Variants in OTUD7A observed in about 807,000 individuals in gnomAD.
OTUD7A encodes the protein OTU domain-containing protein 7A.
In OTUD7A, 12 loss-of-function variants were observed where a neutral mutation model predicts 65.7. That is an observed-to-expected ratio of 0.18 (90% confidence interval 0.12 to 0.30). The LOEUF (loss-of-function observed/expected upper bound fraction) is 0.30, where lower values mean the gene tolerates loss of function less well. Among genes scored for constraint, OTUD7A ranks in the 10% least tolerant of loss-of-function variants. OTUD7A has a pLI of 1.00. For synonymous variants in OTUD7A, 641 were observed against 586.3 expected (o/e 1.09, Z -1.35); for missense variants, 1,148 against 1,304.8 (o/e 0.88, Z 1.85).
intron 1 of OTUD7A, chr15:31,765,713 T>C (rs1895077795): frequency 2.0e-6 from 2 of 982,384 alleles, no homozygotes; most frequent in South Asian, 3.1e-5. Flanking sequence ...TTATCAAAGT[T>C]CCACAAGTAT....
intron 1 of OTUD7A, among the ~76,000 whole-genome samples, chr15:31,746,648 C>G (rs1449120137): frequency 6.6e-6 from 1 of 152,022 alleles, no homozygotes; most frequent in African/African-American, 2.4e-5. Context: ...AAGCATGCGC[C>G]ACCACACCAG....
At chr15:31,647,055 A>AT (rs1288172595) in intron 3 of OTUD7A, among the ~76,000 whole-genome samples, 15 of 151,732 alleles carry the variant, frequency 9.9e-5, no homozygotes, top group Non-Finnish European at 1.8e-4. Flanking sequence ...TTTTTTTGAC[A>AT]TTTTTTCCCC....
intron 1 of OTUD7A, among the ~76,000 whole-genome samples, chr15:31,775,540 T>C (rs987792038): frequency 6.6e-6 from 1 of 152,212 alleles, no homozygotes; most frequent in African/African-American, 2.4e-5. Context: ...AAGAGACTCA[T>C]TGAGATGACA....
chr15:31,680,935 C>T (rs1220472135), intron 1 of OTUD7A, among the ~76,000 whole-genome samples: 1 of 150,362 alleles, frequency 6.7e-6, no homozygotes, highest in Admixed American at 6.6e-5. Context: ...ATCCACTTCC[C>T]CATCAATACA....
At chr15:31,610,549 G>C (rs922812664) in intron 3 of OTUD7A, among the ~76,000 whole-genome samples, 4 of 140,952 alleles carry the variant, frequency 2.8e-5, no homozygotes, top group African/African-American at 1.1e-4. Context: ...TAGACCATAT[G>C]ATAGGCCACA....
At chr15:31,646,669 C>A (rs6493841) in intron 3 of OTUD7A, among the ~76,000 whole-genome samples, 36,418 of 151,862 alleles carry the variant, frequency 0.24, 4,495 homozygotes, top group East Asian at 0.33. Context: ...CCATGTTGGT[C>A]AGGCTGGCCT....
intron 1 of OTUD7A, among the ~76,000 whole-genome samples, chr15:31,850,912 T>C (rs933870178): frequency 1.3e-5 from 2 of 152,042 alleles, no homozygotes; most frequent in African/African-American, 2.4e-5. Context: ...GCAGCAGTAA[T>C]TCCCCAAGAA....
intron 1 of OTUD7A, among the ~76,000 whole-genome samples, chr15:31,726,351 A>G (rs952383739): frequency 8.0e-5 from 12 of 149,938 alleles, no homozygotes; most frequent in African/African-American, 2.4e-4. Context: ...ACACACGCAC[A>G]CACACACACA....
intron 1 of OTUD7A, among the ~76,000 whole-genome samples, chr15:31,680,456 T>C (rs898384237): frequency 5.2e-4 from 79 of 152,218 alleles, no homozygotes; most frequent in Non-Finnish European, 8.2e-4. Context: ...GGTGTCATCA[T>C]GAAAGTGTCT....
chr15:31,805,362 C>T lies in OTUD7A; in HGVS notation c.-100+65145G>A, dbSNP rs113241086. Among the ~76,000 whole-genome samples, 787 of 152,294 alleles carry T rather than the reference C, an allele frequency of 5.2e-3. 4 individuals are homozygous for T. The highest frequency in any genetic ancestry group is 0.018 in the African/African-American group (753 of 41,562). ...TAGATGCACCTTGGCAAAGGACAGG[C>T]CTGGGCTCCTCCTGACCCTCCCCAG... On this transcript the variant is annotated intron_variant, in intron 1 of 12. Coordinates refer to ENST00000307050, the MANE Select transcript of OTUD7A (RefSeq NM_001382637.1).
intron 5 of OTUD7A, among the ~76,000 whole-genome samples, chr15:31,541,422 C>A (rs1467940432): frequency 6.6e-6 from 1 of 151,964 alleles, no homozygotes; most frequent in Non-Finnish European, 1.5e-5. Context: ...TAATACTTAG[C>A]AAAAAATAAT....
chr15:31,570,506 GATC>G (rs146561653), intron 3 of OTUD7A, among the ~76,000 whole-genome samples: 8,980 of 150,246 alleles, frequency 0.06, 919 homozygotes, highest in African/African-American at 0.21. Flanking sequence ...CTGCATCCCT[GATC>G]ATCACATCCC....
chr15:31,527,054 A>G lies in OTUD7A; in HGVS notation c.780+127T>C, dbSNP rs1005103176. 7 of 1,378,878 alleles carry G rather than the reference A, an allele frequency of 5.1e-6. No homozygotes were observed. The African/African-American group carries it at 1.0e-4, about 20-fold the overall frequency. 85.4% of individuals were successfully genotyped at this position (1,378,878 alleles called of 1,614,324 possible). ...AAAAGCAGGAGACTTTCCTGATCCC[A>G]GGGGCTGTTTCTGCCTTCCCCTCAT... is the stretch of plus-strand genomic sequence containing the variant. On this transcript the variant is annotated intron_variant, in intron 7 of 12. Transcript: ENST00000307050.
At chr15:31,662,288 A>G (rs1892187543) in intron 1 of OTUD7A, among the ~76,000 whole-genome samples, 1 of 152,248 alleles carries the variant, frequency 6.6e-6, no homozygotes, top group African/African-American at 2.4e-5. Flanking sequence ...GACACCTAAT[A>G]GAAAAGGCAA....
intron 1 of OTUD7A, among the ~76,000 whole-genome samples, chr15:31,739,854 A>C (rs566961189): frequency 6.6e-6 from 1 of 152,340 alleles, no homozygotes; most frequent in East Asian, 1.9e-4. Flanking sequence ...TTAAAGGCTG[A>C]ACCACTGCGC....
intron 1 of OTUD7A, among the ~76,000 whole-genome samples, chr15:31,846,583 C>A (rs979737764): frequency 6.6e-6 from 1 of 152,142 alleles, no homozygotes; most frequent in Admixed American, 6.5e-5. Context: ...ATCTACTCAA[C>A]CTGGAGCACC....
intron 1 of OTUD7A, among the ~76,000 whole-genome samples, chr15:31,793,681 A>G (rs1895878246): frequency 6.6e-6 from 1 of 152,264 alleles, no homozygotes; most frequent in African/African-American, 2.4e-5. Flanking sequence ...TCGTACTGTC[A>G]TTCATAAAAG....
chr15:31,834,939 G>C (rs1462091726), intron 1 of OTUD7A, among the ~76,000 whole-genome samples: 1 of 152,240 alleles, frequency 6.6e-6, no homozygotes, highest in Non-Finnish European at 1.5e-5. Context: ...GAGTAAGTGT[G>C]AGTGAGCAAC....
intron 1 of OTUD7A, among the ~76,000 whole-genome samples, chr15:31,783,300 C>CTT (rs1895588922): frequency 6.6e-6 from 1 of 152,202 alleles, no homozygotes; most frequent in South Asian, 2.1e-4. Context: ...CGTCTAGGGG[C>CTT]TTACCTTTTA....
Sources: allele counts gnomAD v4.1 joint callset (sites outside exome capture counted in the v4.1 genomes callset), GRCh38; gene constraint gnomAD v4.1.1; transcripts MANE v1.5; gene names NCBI Gene and HGNC (gene_info 2026-07-23, HGNC 2026-07-21).